The following ABCC4 variants were observed in gnomAD, a reference collection of about 807,000 sequenced individuals.
ABCC4 encodes the protein ATP binding cassette subfamily C member 4 (PEL blood group).
In ABCC4, 102 loss-of-function variants were observed where a neutral mutation model predicts 168.5. The ratio of observed to expected loss-of-function variants is 0.61; its 90% CI spans 0.52 to 0.71. The LOEUF (loss-of-function observed/expected upper bound fraction) is 0.71. ABCC4 is among the 30% of genes least tolerant of loss of function. The pLI is 0.00. For synonymous variants in ABCC4, 617 were observed against 590.7 expected (o/e 1.04, Z -0.65); for missense variants, 1,402 against 1,605.8 (o/e 0.87, Z 2.17).
intron 19 of ABCC4, among the ~76,000 whole-genome samples, chr13:95,158,868 G>A (rs757001035): frequency 1.3e-5 from 2 of 151,494 alleles, no homozygotes; most frequent in Admixed American, 6.6e-5. Flanking sequence ...ACAGGAGTTC[G>A]AGACCAGCCC....
intron 20 of ABCC4, among the ~76,000 whole-genome samples, chr13:95,105,660 G>A (rs2034977591): frequency 6.6e-6 from 1 of 152,144 alleles, no homozygotes; most frequent in African/African-American, 2.4e-5. Flanking sequence ...CCACCAGGCA[G>A]AAGTATGGTG....
chr13:95,170,889 T>C (rs1469513451), intron 13 of ABCC4, among the ~76,000 whole-genome samples: 1 of 152,084 alleles, frequency 6.6e-6, no homozygotes, highest in Admixed American at 6.6e-5. Flanking sequence ...TCCTAAAACT[T>C]AGTTTAACAT....
At chr13:95,156,789 C>T (rs959374437) in intron 19 of ABCC4, among the ~76,000 whole-genome samples, 2 of 151,902 alleles carry the variant, frequency 1.3e-5, no homozygotes, top group Admixed American at 6.6e-5. Flanking sequence ...GATAAAAAGA[C>T]GAGAAAGGAA....
chr13:95,115,590 G>T (rs1385981490), intron 20 of ABCC4, among the ~76,000 whole-genome samples: 1 of 151,510 alleles, frequency 6.6e-6, no homozygotes, highest in African/African-American at 2.4e-5. Context: ...TCCGTGAGAG[G>T]TGATTGTTTC....
chr13:95,273,391 T>C (rs1452773650), intron 1 of ABCC4, among the ~76,000 whole-genome samples: 1 of 152,222 alleles, frequency 6.6e-6, no homozygotes, highest in Non-Finnish European at 1.5e-5. Context: ...CTCTAGGCCA[T>C]GGCTTCCTTT....
intron 3 of ABCC4, among the ~76,000 whole-genome samples, chr13:95,244,693 T>C (rs1338451370): frequency 6.8e-6 from 1 of 147,824 alleles, no homozygotes; most frequent in African/African-American, 2.6e-5. Context: ...TCCTGGTACA[T>C]AGTATTTTTC....
intron 30 of ABCC4, among the ~76,000 whole-genome samples, chr13:95,026,003 G>A (rs1290765313): frequency 6.6e-6 from 1 of 152,032 alleles, no homozygotes; most frequent in Admixed American, 6.6e-5. Context: ...GATCACTTGA[G>A]GGCCAGGAGT....
rs777892270 is a variant in ABCC4, at chr13:95,234,641, C to T, written c.500G>A (p.Arg167Gln). The T allele has an allele frequency of 9.3e-6, 15 of 1,613,928 alleles. No homozygotes were observed. Among genetic ancestry groups the T allele is most frequent in the African/African-American group, 1.3e-5 (1 of 74,896 alleles). The change falls in exon 4 of 31, where the codon CGA becomes CAA. Residue 167 changes from arginine (R) to glutamine (Q), a missense_variant. Physicochemically the swap from Arg to Gln is conservative, Grantham distance 43 (BLOSUM62 1). Around this residue, in one of 3 missense-constraint regions of ABCC4, gnomAD observed 317 missense variants for 345.5 expected, o/e 0.92. Transcript: ENST00000645237. Reference sequence around the variant, plus strand: ...ATAAATCATATGGCACATGGCTACTCGTAACCTCATCCCAGCACACTGAAC... The same window carrying T: ...ATAAATCATATGGCACATGGCTACTTGTAACCTCATCCCAGCACACTGAAC... ...YHVQCAGMRL[R>Q]VAMCHMIYRK...
intron 19 of ABCC4, among the ~76,000 whole-genome samples, chr13:95,122,550 GAA>G (rs2139428357): frequency 6.6e-6 from 1 of 152,228 alleles, no homozygotes; most frequent in South Asian, 2.1e-4. Flanking sequence ...AGTGAGGAAA[GAA>G]GAGGTAGAAG....
At chr13:95,087,856 G>A (rs2034308019) in intron 20 of ABCC4, among the ~76,000 whole-genome samples, 1 of 151,946 alleles carries the variant, frequency 6.6e-6, no homozygotes, top group Non-Finnish European at 1.5e-5. Context: ...CTTTACATCT[G>A]TTTTTTTTGT....
intron 30 of ABCC4, among the ~76,000 whole-genome samples, chr13:95,029,988 T>TATCTATCCATCCATCCATCCATCC (rs1555302414): frequency 6.8e-6 from 1 of 146,326 alleles, no homozygotes; most frequent in Admixed American, 6.9e-5. Context: ...CTTGTCTATC[T>TATCTATCCATCCATCCATCCATCC]ATCCATCCAT....
intron 3 of ABCC4, among the ~76,000 whole-genome samples, chr13:95,243,304 G>A (rs2039995061): frequency 1.3e-5 from 2 of 152,174 alleles, no homozygotes; most frequent in African/African-American, 4.8e-5. Context: ...CAAGCAAACT[G>A]CACACCCACT....
At position 95,210,685 on chromosome 13, in the gene ABCC4, A is replaced by G. The variant is rs1182465176; in HGVS notation, c.621+7T>C. Reference sequence around the variant, plus strand: ...CAATGAAAAAGGATCCCTGAGCTGCAGCTTACCTGATCAAACTTGTTCACA... The same window carrying G: ...CAATGAAAAAGGATCCCTGAGCTGCGGCTTACCTGATCAAACTTGTTCACA... On this transcript the variant is annotated splice_region_variant and intron_variant, in intron 5 of 30. Coordinates refer to ENST00000645237, the MANE Select transcript of ABCC4 (RefSeq NM_005845.5). The G allele has an allele frequency of 1.2e-6, 2 of 1,612,994 alleles. No homozygotes were observed. Among genetic ancestry groups the G allele is most frequent in the Non-Finnish European group, 8.5e-7 (1 of 1,179,062 alleles).
At chr13:95,076,246 A>G (rs1231854972) in intron 21 of ABCC4, among the ~76,000 whole-genome samples, 2 of 152,172 alleles carry the variant, frequency 1.3e-5, no homozygotes, top group South Asian at 2.1e-4. Context: ...TGGTCTTAAC[A>G]TTGGCTCCAG....
intron 30 of ABCC4, among the ~76,000 whole-genome samples, chr13:95,032,457 C>T (rs1302068996): frequency 1.3e-5 from 2 of 152,134 alleles, no homozygotes; most frequent in Admixed American, 6.5e-5. Flanking sequence ...TAGTGCCCAG[C>T]GTAATACTGT....
intron 8 of ABCC4, among the ~76,000 whole-genome samples, chr13:95,196,693 GAA>G (rs2038458601): frequency 2.5e-5 from 2 of 79,788 alleles, no homozygotes; most frequent in African/African-American, 8.2e-5. Context: ...AGGAAGGAAG[GAA>G]GGAAGGAAGG....
intron 1 of ABCC4, among the ~76,000 whole-genome samples, chr13:95,254,731 G>T (rs548500079): frequency 1.1e-4 from 17 of 152,088 alleles, no homozygotes; most frequent in African/African-American, 3.9e-4. Flanking sequence ...ACCCTATAAG[G>T]CTCACCCTCT....
At chr13:95,207,989 G>T (rs1421955224) in intron 6 of ABCC4, 64 bp from the exon 7 acceptor site, 3 of 1,566,044 alleles carry the variant, frequency 1.9e-6, no homozygotes, top group Non-Finnish European at 1.7e-6. Context: ...TCAGCGGCAG[G>T]CACAGGCAGG....
At chr13:95,062,618 C>T in intron 26 of ABCC4, 86 bp downstream of exon 26, 1 of 1,255,228 alleles carries the variant, frequency 8.0e-7, no homozygotes, top group Non-Finnish European at 1.1e-6. Context: ...TCCTTTCATC[C>T]AATTAAAAAA....
Sources: allele counts gnomAD v4.1 joint callset (sites outside exome capture counted in the v4.1 genomes callset), GRCh38; gene constraint gnomAD v4.1.1; regional missense constraint gnomAD v4.1.1; transcripts MANE v1.5; gene names NCBI Gene and HGNC (gene_info 2026-07-23, HGNC 2026-07-21).